The following PLEKHN1 variants were observed in gnomAD, a reference collection of about 807,000 sequenced individuals.
PLEKHN1 encodes the protein pleckstrin homology domain containing N1.
PLEKHN1 carries 68 observed loss-of-function variants against 72.8 expected under a neutral mutation model. That is an observed-to-expected ratio of 0.93 (90% CI 0.77 to 1.14). The LOEUF (loss-of-function observed/expected upper bound fraction) is 1.14. Among genes scored for constraint, PLEKHN1 ranks in the 50% most tolerant of loss-of-function variants. The pLI is 0.00. For synonymous variants in PLEKHN1, 454 were observed against 371.6 expected, an observed-to-expected ratio of 1.22 and a Z score of -2.55; for missense variants, 1,015 against 840.5, an observed-to-expected ratio of 1.21 and a Z score of -2.57.
chr1:967,088 C>T (rs550184607), intron 2 of PLEKHN1, among the ~76,000 whole-genome samples: 14 of 152,318 alleles, frequency 9.2e-5, no homozygotes, highest in Admixed American at 5.2e-4. Context: ...GACCAGCGCA[C>T]GTGTCTCTGT....
At chr1:966,970 C>T (rs563119340) in intron 2 of PLEKHN1, among the ~76,000 whole-genome samples, 167 bp downstream of exon 2, 1 of 152,196 alleles carries the variant, frequency 6.6e-6, no homozygotes. Flanking sequence ...CTCATCCGGC[C>T]GAAAGTCTGA....
At chr1:968,905 C>T (rs909902737) in intron 2 of PLEKHN1, among the ~76,000 whole-genome samples, 3 of 152,156 alleles carry the variant, frequency 2.0e-5, no homozygotes, top group African/African-American at 4.8e-5. Flanking sequence ...GGAGACCCCT[C>T]GGGGCACTGC....
At position 974,687 on chromosome 1, in the gene PLEKHN1, A is replaced by T; in HGVS notation, c.*112A>T. 2 of 1,299,378 alleles carry T rather than the reference A, an allele frequency of 1.5e-6. No homozygotes were observed. The highest frequency in any genetic ancestry group is 1.0e-6 in the Non-Finnish European group (1 of 979,860). The allele number at this position is 1,299,378 out of a possible 1,614,324, so 80.5% of individuals were successfully genotyped here. A position where few individuals can be genotyped will look rare whatever the true frequency, so the allele number is the denominator to read the frequency against. ...GGTCTGAACCCAGTGTGATGGGGGG[A>T]GTCTCTGGGGCCCTGAGTTCAGAGC... On this transcript the variant is annotated 3_prime_UTR_variant, in exon 16 of 16. Transcript: ENST00000379410.
chr1:971,231 T>C (rs780677463), intron 7 of PLEKHN1, 23 bp downstream of exon 7: 1 of 1,563,170 alleles, frequency 6.4e-7, no homozygotes, highest in East Asian at 2.4e-5. Context: ...TGCGTGGGGC[T>C]GTAGGGGGAT....
intron 14 of PLEKHN1, 95 bp from the exon 15 acceptor site, chr1:974,221 C>A: frequency 6.4e-7 from 1 of 1,571,510 alleles, no homozygotes; most frequent in Non-Finnish European, 8.7e-7. Flanking sequence ...GGAGGGAGAG[C>A]AGGGGGACAT....
rs199749406 is a variant in PLEKHN1 at position 970,687 on chromosome 1, G to A, written c.413G>A (p.Gly138Glu). 72 of 1,595,672 alleles carry A rather than the reference G, an allele frequency of 4.5e-5. No homozygotes were observed. The highest frequency in any genetic ancestry group is 5.9e-5 in the Non-Finnish European group (69 of 1,169,272). The change falls in exon 5 of 16, where the codon GGG becomes GAG. Residue 138 changes from glycine to glutamate, a missense_variant and splice_region_variant. Gly to Glu is a moderately conservative substitution (Grantham distance 98, BLOSUM62 -2). Transcript: ENST00000379410. This position sits in a 1 kb window ranked among gnomAD's most constrained non-coding sequence, Gnocchi z 4.2. Reference sequence around the variant, plus strand: ...CTCCTCCTACCCTGTGCCTGGCAGGGGCTGTTACCGCTGACGGAGCTGAGT... The same window carrying A: ...CTCCTCCTACCCTGTGCCTGGCAGGAGCTGTTACCGCTGACGGAGCTGAGT... ...AHGSEGLTFQ[G>E]LLPLTELSVC...
chr1:970,772 T>G lies in PLEKHN1; in HGVS notation c.484+14T>G. The G allele has an allele frequency of 6.2e-7, 1 of 1,612,698 alleles. No homozygotes were observed. The highest frequency in any genetic ancestry group is 8.5e-7 in the Non-Finnish European group (1 of 1,179,842). On this transcript the variant is annotated intron_variant, in intron 5 of 15. Transcript: ENST00000379410. The surrounding 1 kb of genome is among the most constrained non-coding windows in gnomAD (Gnocchi z 4.2). Reference sequence around the variant, plus strand: ...TCCAGATCACAGGTGTTTGGGATGCTTCCCGGGCCCCCAGAGGCACTCCTG... The same window carrying G: ...TCCAGATCACAGGTGTTTGGGATGCGTCCCGGGCCCCCAGAGGCACTCCTG...
chr1:968,930 C>T (rs576147463), intron 2 of PLEKHN1, among the ~76,000 whole-genome samples: 1 of 152,278 alleles, frequency 6.6e-6, no homozygotes, highest in Admixed American at 6.5e-5. Flanking sequence ...ACCCCGTTGT[C>T]CCCTGAGTGA....
rs758898117 is a variant in PLEKHN1, at chr1:970,507, T to C, written c.331-14T>C. On this transcript the variant is annotated splice_polypyrimidine_tract_variant and intron_variant, in intron 3 of 15. Transcript: ENST00000379410. The surrounding 1 kb of genome is among the most constrained non-coding windows in gnomAD (Gnocchi z 4.2). ...TCCCCAGACTCCGCACTGACGACCC[T>C]GCTCCCCGCGCAGGATGTCAGCGAC... 8.7e-6 allele frequency: 14 copies of C among 1,612,944 alleles called. No homozygotes were observed. The highest frequency in any genetic ancestry group is 1.1e-5 in the Non-Finnish European group (13 of 1,179,934).
chr1:973,698 G>A, intron 13 of PLEKHN1, 58 bp downstream of exon 13: 3 of 1,597,090 alleles, frequency 1.9e-6, no homozygotes, highest in Non-Finnish European at 2.6e-6. Context: ...TGAGGCTGGG[G>A]AGGTCTAGAC....
At position 974,923 on chromosome 1, in the gene PLEKHN1, G is replaced by T; in HGVS notation, c.*348G>T. 1 of 318,496 alleles carries T rather than the reference G, an allele frequency of 3.1e-6. No individual in the cohort carries two copies. The highest frequency in any genetic ancestry group is 6.0e-6 in the Non-Finnish European group (1 of 167,982). 19.7% of individuals were successfully genotyped at this position (318,496 alleles called of 1,614,324 possible). On this transcript the variant is annotated 3_prime_UTR_variant, in exon 16 of 16. Coordinates refer to ENST00000379410, the MANE Select transcript of PLEKHN1 (RefSeq NM_032129.3). ...GGCAGCACGGGCGTGAAGGTCGGAG[G>T]ACAGAGAAAGGTCAGCAGGGTCAGA...
intron 2 of PLEKHN1, among the ~76,000 whole-genome samples, chr1:967,376 A>AG (rs543940075): frequency 7.6e-5 from 11 of 145,360 alleles, no homozygotes; most frequent in African/African-American, 2.9e-4. Context: ...CCCCATGCCC[A>AG]CCCCCCCCCC....
chr1:970,814 G>A lies in PLEKHN1; in HGVS notation c.484+56G>A. 2.5e-6 allele frequency: 4 copies of A among 1,612,696 alleles called. No individual in the cohort carries two copies. The highest frequency in any genetic ancestry group is 1.1e-5 in the South Asian group (1 of 91,068). On this transcript the variant is annotated intron_variant, in intron 5 of 15. Coordinates refer to ENST00000379410, the MANE Select transcript of PLEKHN1 (RefSeq NM_032129.3). This position sits in a 1 kb window ranked among gnomAD's most constrained non-coding sequence, Gnocchi z 4.2. ...GCACTCCTGACCCAGGACTTGGAGA[G>A]GGGCCTGCCCTGTGGCTGCGGAGCA...
At position 972,446 on chromosome 1, in the gene PLEKHN1, C is replaced by T. The variant is rs780783446; in HGVS notation, c.1002+22C>T. The T allele has an allele frequency of 3.7e-5, 57 of 1,545,050 alleles. No homozygotes were observed. The South Asian group carries it at 5.2e-4, about 14-fold the overall frequency. Reference sequence around the variant, plus strand: ...GCAGGTGAGGGGTCAATAGGCCCCACAGCCCAGGTCCTGGGCAGTGGTAAA... The same window carrying T: ...GCAGGTGAGGGGTCAATAGGCCCCATAGCCCAGGTCCTGGGCAGTGGTAAA... On this transcript the variant is annotated intron_variant, in intron 10 of 15. Transcript: ENST00000379410.
intron 2 of PLEKHN1, among the ~76,000 whole-genome samples, chr1:968,641 C>T (rs897208278): frequency 6.6e-6 from 1 of 152,178 alleles, no homozygotes; most frequent in Non-Finnish European, 1.5e-5. Context: ...ATCCAGTGAG[C>T]GGGGTCAGGT....
chr1:968,383 C>T (rs1452631960), intron 2 of PLEKHN1, among the ~76,000 whole-genome samples: 1 of 152,228 alleles, frequency 6.6e-6, no homozygotes, highest in Non-Finnish European at 1.5e-5. Context: ...GGTTCACACC[C>T]GTCCCTTTTC....
Position 970,889 on chromosome 1 carries a change from C to T in PLEKHN1, c.495C>T (p.Pro165=), listed in dbSNP as rs199667863. ...CTGCCCTGCCCGCAGGCCCACTGCC[C>T]GCACCCCTCCTGGTGCTCTGCCCCA... is the stretch of plus-strand genomic sequence containing the variant. The part of the protein sequence containing the change: ...EHAFQITGPL[P]APLLVLCPSR... The change falls in exon 6 of 16, where the codon CCC becomes CCT. Residue 165 remains proline, a synonymous_variant. Transcript: ENST00000379410. The surrounding 1 kb of genome is among the most constrained non-coding windows in gnomAD (Gnocchi z 4.2). The T allele has an allele frequency of 1.1e-3, 1,851 of 1,611,208 alleles. 3 individuals carry two copies. Among genetic ancestry groups the T allele is most frequent in the Non-Finnish European group, 1.5e-3 (1,712 of 1,179,866 alleles).
intron 10 of PLEKHN1, 79 bp from the exon 11 acceptor site, chr1:972,770 AGATAAAAGGGGG>A: frequency 7.1e-7 from 1 of 1,406,802 alleles, no homozygotes; most frequent in Non-Finnish European, 9.4e-7. Flanking sequence ...CGTCCCAAAA[AGATAAAAGGGGG>A]GACAGCACGG....
chr1:973,601 C>G lies in PLEKHN1; in HGVS notation c.1395C>G (p.Thr465=). The G allele has an allele frequency of 6.2e-7, 1 of 1,613,266 alleles. No individual in the cohort carries two copies. Residue 465 remains threonine, a synonymous_variant, in exon 13 of 16, where the codon ACC becomes ACG. Transcript: ENST00000379410. ...CCGACCCCTACACACCACCCGCCACCTCCCACCGCAGGGTCACAGATGTCC... is the reference window on the plus strand; with the variant it reads ...CCGACCCCTACACACCACCCGCCACGTCCCACCGCAGGGTCACAGATGTCC... ...LYADPYTPPA[T]SHRRVTDVRG...
Sources: allele counts gnomAD v4.1 joint callset (sites outside exome capture counted in the v4.1 genomes callset), GRCh38; gene constraint gnomAD v4.1.1; non-coding constraint Gnocchi (gnomAD v3.1); transcripts MANE v1.5; gene names NCBI Gene and HGNC (gene_info 2026-07-23, HGNC 2026-07-21).